Variants in IL23R observed in about 807,000 individuals in gnomAD.
IL23R encodes the protein interleukin 23 receptor, also known as interleukin-23 receptor.
IL23R carries 34 observed loss-of-function variants against 56.9 expected under a neutral mutation model. The ratio of observed to expected loss-of-function variants is 0.60; its 90% CI spans 0.45 to 0.80. The LOEUF is 0.80. IL23R is among the 30% of genes least tolerant of loss of function. The pLI is 0.00. For synonymous variants in IL23R, 230 were observed against 249.2 expected (o/e 0.92, Z 0.73); for missense variants, 635 against 730.0 (o/e 0.87, Z 1.50).
At chr1:67,143,667 A>G (rs750259633) in intron 1 of IL23R, among the ~76,000 whole-genome samples, 3 of 152,198 alleles carry the variant, frequency 2.0e-5, no homozygotes, top group Non-Finnish European at 4.4e-5. Context: ...CTTCCCTACA[A>G]GTAGACTGAG....
chr1:67,153,987 C>T (rs901139722), intron 1 of IL23R, among the ~76,000 whole-genome samples: 1 of 152,168 alleles, frequency 6.6e-6, no homozygotes, highest in Non-Finnish European at 1.5e-5. Context: ...TCAGAATGGT[C>T]TCGATCTCCT....
rs547181014 is a variant in IL23R at position 67,177,187 on chromosome 1, C to T, written c.368-5649C>T. 6.6e-5 allele frequency among the ~76,000 whole-genome samples: 10 copies of T among 152,120 alleles called. No individual in the cohort carries two copies. The East Asian group carries it at 1.4e-3, about 21-fold the overall frequency. On this transcript the variant is annotated intron_variant, in intron 3 of 10. Transcript: ENST00000347310. ...TTCTAGTTCTAGATCCCTGAGGAAT[C>T]GCCACACTGACTTCCACAATGGTTG...
chr1:67,222,750 C>A (rs790636), intron 7 of IL23R, among the ~76,000 whole-genome samples: 1 of 152,116 alleles, frequency 6.6e-6, no homozygotes, highest in South Asian at 2.1e-4. Context: ...TGGGTAATGA[C>A]ACCTAAACTA....
At chr1:67,149,812 CCAA>C (rs1646712574) in intron 1 of IL23R, among the ~76,000 whole-genome samples, 1 of 152,120 alleles carries the variant, frequency 6.6e-6, no homozygotes, top group South Asian at 2.1e-4. Context: ...TGTTGAAAAA[CCAA>C]CAAGTTGAAT....
At chr1:67,145,958 G>C (rs977929942) in intron 1 of IL23R, among the ~76,000 whole-genome samples, 2 of 152,194 alleles carry the variant, frequency 1.3e-5, no homozygotes, top group Middle Eastern at 3.4e-3. Flanking sequence ...CTCTCCTTTT[G>C]GGATATTTGT....
chr1:67,169,443 A>G lies in IL23R; in HGVS notation c.172A>G (p.Asn58Asp). The change falls in exon 3 of 11, where the codon AAC becomes GAC. Residue 58 changes from asparagine (N) to aspartate (D), a missense_variant. Transcript: ENST00000347310. ...TATATATTGCCAAGCAGCAATTAAG[A>G]ACTGCCAACCAAGGAAACTTCATTT... ...ISIYCQAAIK[N>D]CQPRKLHFYK... The G allele has an allele frequency of 6.2e-7, 1 of 1,613,812 alleles. No homozygotes were observed. The highest frequency in any genetic ancestry group is 8.5e-7 in the Non-Finnish European group (1 of 1,179,688).
At chr1:67,174,767 C>G (rs1646987279) in intron 3 of IL23R, among the ~76,000 whole-genome samples, 1 of 151,958 alleles carries the variant, frequency 6.6e-6, no homozygotes, top group South Asian at 2.1e-4. Context: ...TTTAGAGGCC[C>G]CCAAAACTCA....
intron 4 of IL23R, 118 bp from the exon 5 acceptor site, chr1:67,200,619 A>G (rs372342871): frequency 7.7e-6 from 7 of 905,532 alleles, no homozygotes; most frequent in East Asian, 5.3e-5. Context: ...TCCTGACCTC[A>G]GGTGATCCAA....
At chr1:67,156,270 T>G (rs1340137134) in intron 1 of IL23R, among the ~76,000 whole-genome samples, 2 of 152,052 alleles carry the variant, frequency 1.3e-5, no homozygotes, top group Non-Finnish European at 2.9e-5. Flanking sequence ...GGCACAGGGG[T>G]CAGGGATTCA....
chr1:67,168,083 T>C lies in IL23R; in HGVS notation c.-29-9T>C. ...TACAATTTAAACATTTTTCATATTT[T>C]TTTTCCAGAGGGAAACAGTCTTTTC... On this transcript the variant is annotated splice_polypyrimidine_tract_variant and intron_variant, in intron 1 of 10. Transcript: ENST00000347310. The C allele has an allele frequency of 7.1e-7, 1 of 1,412,004 alleles. No homozygotes were observed. Among genetic ancestry groups the C allele is most frequent in the Non-Finnish European group, 1.0e-6 (1 of 997,034 alleles). The allele number at this position is 1,412,004 out of a possible 1,614,324, so 87.5% of individuals were successfully genotyped here.
intron 7 of IL23R, among the ~76,000 whole-genome samples, chr1:67,221,807 A>G (rs1650269741): frequency 6.6e-6 from 1 of 152,152 alleles, no homozygotes; most frequent in South Asian, 2.1e-4. Flanking sequence ...ATGGCTGCCA[A>G]ATTAGTAGAG....
chr1:67,243,997 C>G (rs1652030305), intron 9 of IL23R, among the ~76,000 whole-genome samples: 1 of 152,174 alleles, frequency 6.6e-6, no homozygotes, highest in African/African-American at 2.4e-5. Flanking sequence ...TTAATGATCT[C>G]CATTCTAACT....
In IL23R at chr1:67,233,402, C is replaced by CAGTGTGAA. The variant is rs1378350607; in HGVS notation, c.956-3309_956-3302dup. Among the ~76,000 whole-genome samples the CAGTGTGAA allele has an allele frequency of 2.6e-5, 4 of 151,698 alleles. 1 individual carries two copies. The East Asian group carries it at 7.7e-4, about 29-fold the overall frequency. The stretch of plus-strand genomic sequence containing the variant: ...TCCGGTTTTGATTATGTCTTCATAG[C>CAGTGTGAA]AGTGTGAAAACAGACTAGTACGGTT... On this transcript the variant is annotated intron_variant, in intron 7 of 10. Coordinates refer to ENST00000347310, the MANE Select transcript of IL23R (RefSeq NM_144701.3).
chr1:67,183,325 AG>A (rs1647185137), intron 4 of IL23R, among the ~76,000 whole-genome samples: 1 of 152,214 alleles, frequency 6.6e-6, no homozygotes, highest in Non-Finnish European at 1.5e-5. Context: ...ACCTGAGGTC[AG>A]GAGTTTGAGA....
intron 6 of IL23R, 189 bp downstream of exon 6, chr1:67,207,244 G>T (rs763754954): frequency 7.1e-6 from 5 of 705,016 alleles, no homozygotes; most frequent in Non-Finnish European, 1.2e-5. Flanking sequence ...CACATGTGCA[G>T]GTTTGTTACC....
chr1:67,244,787 C>T (rs1199816498), intron 9 of IL23R, among the ~76,000 whole-genome samples: 2 of 152,098 alleles, frequency 1.3e-5, no homozygotes, highest in African/African-American at 2.4e-5. Context: ...ATTGTCTTGG[C>T]TATGTGGGCT....
intron 5 of IL23R, 68 bp downstream of exon 5, chr1:67,200,965 C>A: frequency 6.6e-7 from 1 of 1,507,716 alleles, no homozygotes; most frequent in South Asian, 1.2e-5. Flanking sequence ...CAAATGAGGT[C>A]TAGATCTGAA....
chr1:67,162,563 C>T (rs1468946422), upstream of IL23R, among the ~76,000 whole-genome samples: 11 of 152,182 alleles, frequency 7.2e-5, no homozygotes, highest in Non-Finnish European at 1.6e-4. Flanking sequence ...CCAAAATGGG[C>T]TCAAATATCC....
intron 1 of IL23R, among the ~76,000 whole-genome samples, chr1:67,149,157 C>G (rs978984786): frequency 4.6e-5 from 7 of 152,226 alleles, no homozygotes; most frequent in African/African-American, 1.7e-4. Flanking sequence ...ATCAGATCCT[C>G]TTTCCTGTCA....
Sources: allele counts gnomAD v4.1 joint callset (sites outside exome capture counted in the v4.1 genomes callset), GRCh38; gene constraint gnomAD v4.1.1; transcripts MANE v1.5; gene names NCBI Gene and HGNC (gene_info 2026-07-23, HGNC 2026-07-21).